SCIMP: variants seen among roughly 807,000 people sequenced by gnomAD.
The protein encoded by SCIMP is SLP adaptor and CSK interacting membrane protein.
SCIMP carries 18 observed loss-of-function variants against 22.0 expected under a neutral mutation model. The ratio of observed to expected loss-of-function variants is 0.82; its 90% CI spans 0.56 to 1.21. The LOEUF (loss-of-function observed/expected upper bound fraction) is 1.21. SCIMP is among the 50% of genes most tolerant of loss of function. The pLI is 0.00. For synonymous variants in SCIMP, 53 were observed against 62.2 expected (o/e 0.85, Z 0.70); for missense variants, 155 against 171.2 (o/e 0.91, Z 0.53).
At position 5,210,691 on chromosome 17, in the gene SCIMP, C is replaced by A; in HGVS notation, c.*110G>T. The A allele has an allele frequency of 7.1e-7, 1 of 1,406,772 alleles. No homozygotes were observed. The highest frequency in any genetic ancestry group is 9.6e-7 in the Non-Finnish European group (1 of 1,041,640). 87.1% of individuals were successfully genotyped at this position (1,406,772 alleles called of 1,614,324 possible). On this transcript the variant is annotated 3_prime_UTR_variant, in exon 5 of 5. Coordinates refer to ENST00000574081, the MANE Select transcript of SCIMP (RefSeq NM_207103.3). Reference sequence around the variant, plus strand: ...TATCTTATAGAGCTTCATAAAATCACCACTGGCTTTCAGGGCCCAGAGACC... The same window carrying A: ...TATCTTATAGAGCTTCATAAAATCAACACTGGCTTTCAGGGCCCAGAGACC...
At chr17:5,216,564 G>A (rs1307398883) in intron 3 of SCIMP, among the ~76,000 whole-genome samples, 3 of 152,104 alleles carry the variant, frequency 2.0e-5, no homozygotes, top group African/African-American at 7.2e-5. Context: ...TACTCAGGAG[G>A]CTGAGGCAGA....
chr17:5,225,847 G>A (rs1168252016), intron 1 of SCIMP, among the ~76,000 whole-genome samples: 6 of 152,046 alleles, frequency 3.9e-5, no homozygotes, highest in East Asian at 3.9e-4. Flanking sequence ...CCAGAGGCCC[G>A]GACTTGCGAC....
At chr17:5,229,849 T>TC (rs2074680462) in intron 1 of SCIMP, among the ~76,000 whole-genome samples, 2 of 114,340 alleles carry the variant, frequency 1.7e-5, no homozygotes, top group African/African-American at 3.3e-5. Context: ...ATCTCCTTTC[T>TC]CCCCTCTTCT....
At chr17:5,214,855 A>AAC in intron 4 of SCIMP, 70 bp downstream of exon 4, 1 of 763,630 alleles carries the variant, frequency 1.3e-6, no homozygotes, top group African/African-American at 1.8e-5. Context: ...AAAAAAAAAA[A>AAC]AAAAAAAGAC....
At chr17:5,217,881 C>A (rs976358353) in intron 3 of SCIMP, among the ~76,000 whole-genome samples, 2 of 151,954 alleles carry the variant, frequency 1.3e-5, no homozygotes, top group African/African-American at 4.8e-5. Flanking sequence ...ATACGTGTGC[C>A]TGTGTCTTTA....
chr17:5,232,210 T>C (rs2074703512), intron 1 of SCIMP, among the ~76,000 whole-genome samples: 1 of 152,254 alleles, frequency 6.6e-6, no homozygotes, highest in Non-Finnish European at 1.5e-5. Context: ...TTATGTTCTG[T>C]GTGCAGTTGT....
intron 1 of SCIMP, among the ~76,000 whole-genome samples, chr17:5,232,432 C>CAGTATAAACAGTGCAGTATAAACAGT (rs2074709359): frequency 2.6e-5 from 2 of 75,792 alleles, no homozygotes; most frequent in Non-Finnish European, 4.5e-5. Context: ...GTGTAAACAG[C>CAGTATAAACAGTGCAGTATAAACAGT]GCAGTGTAAA....
rs2074555640 is a variant in SCIMP, at chr17:5,215,002, G to C, written c.210-4C>G. On this transcript the variant is annotated splice_polypyrimidine_tract_variant and splice_region_variant and intron_variant, in intron 3 of 4. Transcript: ENST00000574081. ...TGGCGACTCATTAAGAACATTCCTA[G>C]AGAGAGAGAAAGAGAGAGAATCAGT... 1 of 1,594,040 alleles carries C rather than the reference G, an allele frequency of 6.3e-7. No homozygotes were observed. Among genetic ancestry groups the C allele is most frequent in the Admixed American group, 1.7e-5 (1 of 59,888 alleles).
intron 1 of SCIMP, among the ~76,000 whole-genome samples, chr17:5,233,578 G>A (rs2074719643): frequency 1.3e-5 from 2 of 151,992 alleles, no homozygotes; most frequent in Admixed American, 6.6e-5. Context: ...TCACCATGTT[G>A]GCCAGGCTGG....
intron 1 of SCIMP, among the ~76,000 whole-genome samples, chr17:5,230,869 G>T (rs1172918121): frequency 6.6e-6 from 1 of 152,206 alleles, no homozygotes; most frequent in Admixed American, 6.5e-5. Context: ...GACTCTAGGA[G>T]ATTGAGGCTG....
intron 1 of SCIMP, 83 bp from the exon 2 acceptor site, chr17:5,223,539 G>T: frequency 7.1e-7 from 1 of 1,415,802 alleles, no homozygotes; most frequent in Non-Finnish European, 9.8e-7. Context: ...ATCTACTGTG[G>T]GTTGTTTTTT....
chr17:5,218,894 C>G (rs1371917862), intron 3 of SCIMP, among the ~76,000 whole-genome samples: 1 of 151,740 alleles, frequency 6.6e-6, no homozygotes, highest in East Asian at 2.0e-4. Context: ...GCTGAGATTA[C>G]AGGCATGAGC....
chr17:5,218,813 A>G (rs2074584558), intron 3 of SCIMP, among the ~76,000 whole-genome samples: 1 of 151,984 alleles, frequency 6.6e-6, no homozygotes, highest in Non-Finnish European at 1.5e-5. Context: ...TTTTGTATAC[A>G]GGGTCTCACT....
intron 2 of SCIMP, among the ~76,000 whole-genome samples, chr17:5,221,919 C>T (rs1597289249): frequency 6.6e-6 from 1 of 151,882 alleles, no homozygotes; most frequent in African/African-American, 2.4e-5. Context: ...GTTACAGGTG[C>T]CTGCCACCAC....
intron 4 of SCIMP, chr17:5,213,124 A>T: frequency 1.3e-5 from 13 of 984,434 alleles, no homozygotes; most frequent in Non-Finnish European, 1.6e-5. Context: ...TCTGATAGGA[A>T]GTGAAAGGCC....
At chr17:5,232,255 C>A (rs1202510474) in intron 1 of SCIMP, among the ~76,000 whole-genome samples, 2 of 150,080 alleles carry the variant, frequency 1.3e-5, no homozygotes, top group East Asian at 3.9e-4. Context: ...TCTGGTGGTC[C>A]CCCGCTGAGT....
intron 1 of SCIMP, among the ~76,000 whole-genome samples, chr17:5,230,091 T>C (rs985554515): frequency 3.9e-5 from 6 of 152,028 alleles, no homozygotes; most frequent in Non-Finnish European, 8.8e-5. Context: ...CCTCCCAAAG[T>C]ACCAGGATTA....
rs2074521217 is a variant in SCIMP at position 5,210,866 on chromosome 17, T to C, written c.373A>G (p.Ile125Val). Residue 125 changes from isoleucine to valine, a missense_variant, in exon 5 of 5, where the codon ATT (isoleucine) becomes GTT (valine). Ile to Val is a conservative substitution (Grantham distance 29). Coordinates refer to ENST00000574081, the MANE Select transcript of SCIMP (RefSeq NM_207103.3). The stretch of plus-strand genomic sequence containing the variant: ...TCGTCATAGTCATCTTCAGGCTCAA[T>C]GTAGCTTGGGATGGAAACAGTCTTC... The part of the protein sequence containing the change: ...NKKTVSIPSY[I>V]EPEDDYDDVE... 6.2e-7 allele frequency: 1 copy of C among 1,614,102 alleles called. No individual in the cohort carries two copies. The highest frequency in any genetic ancestry group is 8.5e-7 in the Non-Finnish European group (1 of 1,179,996).
chr17:5,230,335 C>T (rs893117624), intron 1 of SCIMP, among the ~76,000 whole-genome samples: 3 of 152,178 alleles, frequency 2.0e-5, no homozygotes, highest in South Asian at 2.1e-4. Context: ...GGGCAGCTAC[C>T]GACCAGGAGA....
Sources: gnomAD v4.1 joint callset for allele counts (sites outside exome capture counted in the v4.1 genomes callset) on GRCh38, gnomAD v4.1.1 for gene constraint, MANE v1.5 for transcripts, NCBI Gene and HGNC (gene_info 2026-07-23, HGNC 2026-07-21) for gene names.